The following TTLL10 variants were observed in gnomAD, a reference collection of about 807,000 sequenced individuals.
The protein encoded by TTLL10 is tubulin tyrosine ligase like 10, also known as inactive polyglycylase TTLL10.
Under a neutral mutation model 69.0 loss-of-function variants are expected in TTLL10, and 61 were observed. The observed-to-expected ratio is 0.88, with a 90% CI of 0.72 to 1.09. The LOEUF is 1.09. TTLL10 is among the 50% of genes least tolerant of loss of function. The pLI, the probability that TTLL10 is intolerant of heterozygous loss-of-function variation, is 0.00. For synonymous variants in TTLL10, 408 were observed against 393.3 expected (o/e 1.04, Z -0.44); for missense variants, 962 against 945.9 (o/e 1.02, Z -0.22).
rs1008863922 is a variant in TTLL10 at position 1,182,132 on chromosome 1, G to A, written c.831-229G>A. On this transcript the variant is annotated intron_variant, in intron 9 of 15. Transcript: ENST00000379289. ...TGAGGGAAAAAGCAGCCAGCGGGAG[G>A]GGCCCGGGTGGGGGTCAGCGGCCAG... Among the ~76,000 whole-genome samples, 8 of 152,260 alleles carry A rather than the reference G, an allele frequency of 5.3e-5. 1 individual carries two copies. The South Asian group carries it at 1.0e-3, about 20-fold the overall frequency.
intron 13 of TTLL10, among the ~76,000 whole-genome samples, chr1:1,187,600 A>C (rs754564282): frequency 6.6e-6 from 1 of 152,160 alleles, no homozygotes; most frequent in Non-Finnish European, 1.5e-5. Context: ...ACTGCACTCT[A>C]GCCTGGGCAA....
intron 10 of TTLL10, 62 bp from the exon 11 acceptor site, chr1:1,182,814 C>A: frequency 6.7e-7 from 1 of 1,497,202 alleles, no homozygotes; most frequent in Non-Finnish European, 8.9e-7. Flanking sequence ...CCTGGTCGGG[C>A]CCTAGGAGGG....
intron 13 of TTLL10, among the ~76,000 whole-genome samples, chr1:1,193,271 G>A (rs1385395880): frequency 3.3e-5 from 5 of 152,140 alleles, no homozygotes; most frequent in Admixed American, 2.0e-4. Context: ...CTTGCAGTGA[G>A]CCAAGATTGC....
chr1:1,180,957 C>T (rs1471537583), intron 8 of TTLL10, 97 bp downstream of exon 8: 64 of 1,172,080 alleles, frequency 5.5e-5, no homozygotes, highest in Non-Finnish European at 7.0e-5. Flanking sequence ...CCCCTGCGCC[C>T]GCCCCTGCCC....
At position 1,182,959 on chromosome 1, in the gene TTLL10, G is replaced by A. The variant is rs776052443; in HGVS notation, c.1000G>A (p.Ala334Thr). The A allele has an allele frequency of 1.0e-5, 16 of 1,604,002 alleles. No individual in the cohort carries two copies. Among genetic ancestry groups the A allele is most frequent in the Admixed American group, 3.4e-5 (2 of 59,074 alleles). Residue 334 changes from alanine to threonine, a missense_variant, in exon 11 of 16, where the codon GCC (alanine) becomes ACC (threonine). Coordinates refer to ENST00000379289, the MANE Select transcript of TTLL10 (RefSeq NM_001130045.2). Reference sequence around the variant, plus strand: ...GCTCCGGAACCAGGAGGAAGTTGCCGCCCTGCAGGCCAAGACCCGGAGCAT... The same window carrying A: ...GCTCCGGAACCAGGAGGAAGTTGCCACCCTGCAGGCCAAGACCCGGAGCAT... ...FLLRNQEEVA[A>T]LQAKTRSMED... is the part of the protein sequence containing the mutation.
chr1:1,180,677 T>G, intron 7 of TTLL10, 54 bp from the exon 8 acceptor site: 2 of 1,566,980 alleles, frequency 1.3e-6, no homozygotes, highest in Non-Finnish European at 1.7e-6. Context: ...GTTGGAGGGG[T>G]GGGGACCGAG....
At chr1:1,189,548 T>C (rs916359542) in intron 13 of TTLL10, among the ~76,000 whole-genome samples, 1 of 152,244 alleles carries the variant, frequency 6.6e-6, no homozygotes, top group Non-Finnish European at 1.5e-5. Flanking sequence ...TACTGGTCTG[T>C]AGTGTTCTTT....
intron 13 of TTLL10, among the ~76,000 whole-genome samples, chr1:1,195,462 C>T (rs1419807744): frequency 6.9e-6 from 1 of 145,976 alleles, no homozygotes; most frequent in African/African-American, 2.6e-5. Context: ...CTCTCTTCAC[C>T]AGTATTCTCT....
chr1:1,182,040 G>A (rs1046059869), intron 9 of TTLL10, among the ~76,000 whole-genome samples: 4 of 152,142 alleles, frequency 2.6e-5, no homozygotes, highest in Non-Finnish European at 2.9e-5. Context: ...CATCCCAGCC[G>A]TGAGGACACT....
rs113663571 is a variant in TTLL10 at position 1,180,613 on chromosome 1, C to G, written c.625+12C>G. 1 of 1,551,986 alleles carries G rather than the reference C, an allele frequency of 6.4e-7. No individual in the cohort carries two copies. Among genetic ancestry groups the G allele is most frequent in the Non-Finnish European group, 8.7e-7 (1 of 1,147,482 alleles). On this transcript the variant is annotated intron_variant, in intron 7 of 15. Coordinates refer to ENST00000379289, the MANE Select transcript of TTLL10 (RefSeq NM_001130045.2). ...CAGCTTCCGGGAAGGTAGCGGGAGC[C>G]GGCACCAGAGGCGGGCAGCCTGCAG...
intron 3 of TTLL10, 31 bp from the exon 4 acceptor site, chr1:1,179,158 C>T: frequency 7.1e-7 from 1 of 1,417,254 alleles, no homozygotes; most frequent in Non-Finnish European, 9.4e-7. Context: ...GGAGGTCCCA[C>T]AGGAGGGTCA....
At position 1,182,931 on chromosome 1, in the gene TTLL10, C is replaced by A. The variant is rs1180302998; in HGVS notation, c.972C>A (p.Phe324Leu). 1 of 1,598,580 alleles carries A rather than the reference C, an allele frequency of 6.3e-7. No individual in the cohort carries two copies. Among genetic ancestry groups the A allele is most frequent in the Admixed American group, 1.7e-5 (1 of 58,306 alleles). Residue 324 changes from phenylalanine (F) to leucine (L), a missense_variant, in exon 11 of 16, where the codon TTC (phenylalanine) becomes TTA (leucine). Transcript: ENST00000379289. ...CCTCCAACCAGGGCAAAGGCATCTT[C>A]CTGCTCCGGAACCAGGAGGAAGTTG... Reference protein sequence around the residue: ...PTASNQGKGIFLLRNQEEVAA... With the variant: ...PTASNQGKGILLLRNQEEVAA...
In TTLL10 at chr1:1,181,576, C is replaced by T. The variant is rs1647070750; in HGVS notation, c.756-165C>T. 6.6e-6 allele frequency among the ~76,000 whole-genome samples: 1 copy of T among 152,180 alleles called. No individual in the cohort carries two copies. Among genetic ancestry groups the T allele is most frequent in the South Asian group, 2.1e-4 (1 of 4,832 alleles). On this transcript the variant is annotated intron_variant, in intron 8 of 15. Transcript: ENST00000379289. This position sits in a 1 kb window ranked among gnomAD's most constrained non-coding sequence, Gnocchi z 4.6. ...TCCAGCGTCCACTTCCAGCCTAGAG[C>T]AACACAGCTGTTTCCCCCAGGCACC... is the stretch of plus-strand genomic sequence containing the variant.
At chr1:1,187,048 G>A (rs540769045) in intron 13 of TTLL10, among the ~76,000 whole-genome samples, 2 of 151,276 alleles carry the variant, frequency 1.3e-5, no homozygotes, top group African/African-American at 4.8e-5. Context: ...GGGTTTCACC[G>A]TGTTAGCCAG....
chr1:1,182,827 G>A (rs572742200), intron 10 of TTLL10, 49 bp from the exon 11 acceptor site: 297 of 1,506,952 alleles, frequency 2.0e-4, no homozygotes, highest in Non-Finnish European at 2.5e-4. Flanking sequence ...TAGGAGGGGC[G>A]TGGCTGGGTT....
intron 6 of TTLL10, 50 bp from the exon 7 acceptor site, chr1:1,180,433 C>A: frequency 6.5e-7 from 1 of 1,530,776 alleles, no homozygotes; most frequent in South Asian, 1.2e-5. Context: ...CCCGCCATCC[C>A]CAACCCCTTG....
At chr1:1,195,947 T>A (rs1292726751) in intron 13 of TTLL10, among the ~76,000 whole-genome samples, 1 of 147,492 alleles carries the variant, frequency 6.8e-6, no homozygotes, top group Non-Finnish European at 1.5e-5. Context: ...GACCAACTTG[T>A]GTATTTCTAG....
intron 13 of TTLL10, among the ~76,000 whole-genome samples, chr1:1,187,636 C>CA (rs1647441854): frequency 1.3e-5 from 2 of 149,638 alleles, no homozygotes; most frequent in African/African-American, 4.9e-5. Context: ...TCTCAAAAAA[C>CA]AAAAAAATAA....
At chr1:1,179,558 C>A in intron 4 of TTLL10, 99 bp from the exon 5 acceptor site, 2 of 1,517,374 alleles carry the variant, frequency 1.3e-6, no homozygotes, top group Admixed American at 2.0e-5. Flanking sequence ...GCCTGGCTGG[C>A]ACCACCCCTG....
Sources: gnomAD v4.1 joint callset for allele counts (sites outside exome capture counted in the v4.1 genomes callset) on GRCh38, gnomAD v4.1.1 for gene constraint, Gnocchi (gnomAD v3.1) non-coding constraint, MANE v1.5 for transcripts, NCBI Gene and HGNC (gene_info 2026-07-23, HGNC 2026-07-21) for gene names.